NFIC: variants seen among roughly 807,000 people sequenced by gnomAD.
NFIC encodes the protein nuclear factor 1 C-type.
A neutral mutation model predicts 54.4 loss-of-function variants in NFIC; 12 were observed. The observed-to-expected ratio is 0.22, with a 90% confidence interval of 0.14 to 0.36. The LOEUF (loss-of-function observed/expected upper bound fraction) is 0.36. Among genes scored for constraint, NFIC ranks in the 10% least tolerant of loss-of-function variants. The pLI is 1.00. For synonymous variants in NFIC, 322 were observed against 319.2 expected (o/e 1.01, Z -0.09); for missense variants, 575 against 718.2 (o/e 0.80, Z 2.28).
chr19:3,448,642 G>A (rs542244113), intron 6 of NFIC, among the ~76,000 whole-genome samples: 4 of 152,260 alleles, frequency 2.6e-5, no homozygotes, highest in Admixed American at 6.5e-5. Flanking sequence ...ACTGGACTTC[G>A]GATCTGACTG....
At chr19:3,419,638 A>G (rs1441734981) in intron 2 of NFIC, among the ~76,000 whole-genome samples, 1 of 151,908 alleles carries the variant, frequency 6.6e-6, no homozygotes, top group Non-Finnish European at 1.5e-5. Context: ...GCTAATTAAA[A>G]TTAGATTAGA....
In NFIC at chr19:3,434,281, C is replaced by A. The variant is rs150930822; in HGVS notation, c.714C>A (p.Pro238=). 14 of 1,610,068 alleles carry A rather than the reference C, an allele frequency of 8.7e-6. No individual in the cohort carries two copies. The highest frequency in any genetic ancestry group is 8.5e-6 in the Non-Finnish European group (10 of 1,179,052). ...VTELIQVSRT[P]VVTGTGPNFS... ...CTCCTCTGTCACCCTCTGCAGCACC[C>A]GTGGTGACTGGAACAGGACCCAACT... is the stretch of plus-strand genomic sequence containing the variant. The change falls in exon 5 of 11, where the codon CCC becomes CCA. Residue 238 remains proline, a synonymous_variant. Transcript: ENST00000443272.
upstream of NFIC, chr19:3,366,535 G>GGGGGGGGGGGGTTGGGGGGGGC (rs2080886684): frequency 9.0e-5 from 9 of 100,010 alleles, no homozygotes; most frequent in South Asian, 1.7e-4. Context: ...GCCGCGGGGC[G>GGGGGGGGGGGGTTGGGGGGGGC]GGGGGGGGGG....
At chr19:3,442,613 C>T (rs933689070) in intron 6 of NFIC, among the ~76,000 whole-genome samples, 1 of 152,120 alleles carries the variant, frequency 6.6e-6, no homozygotes, top group African/African-American at 2.4e-5. Flanking sequence ...TCTCAAACTC[C>T]TGACCTCAAG....
chr19:3,361,349 A>G (rs1257477233), intron 1 of NFIC, among the ~76,000 whole-genome samples: 1 of 151,538 alleles, frequency 6.6e-6, no homozygotes, highest in Non-Finnish European at 1.5e-5. Context: ...GGCTAAGGAG[A>G]CCCCTATTAT....
chr19:3,404,964 A>G (rs2081621759), intron 2 of NFIC, among the ~76,000 whole-genome samples: 2 of 152,206 alleles, frequency 1.3e-5, no homozygotes, highest in South Asian at 4.1e-4. Context: ...CAACAGCCCG[A>G]TGCTGGGGAC....
intron 6 of NFIC, among the ~76,000 whole-genome samples, chr19:3,440,826 T>G (rs1490454202): frequency 6.6e-6 from 1 of 152,120 alleles, no homozygotes; most frequent in African/African-American, 2.4e-5. Context: ...TGGCCTTTTT[T>G]GTTTTGTTTT....
chr19:3,406,317 C>T (rs1161955678), intron 2 of NFIC, among the ~76,000 whole-genome samples: 3 of 126,250 alleles, frequency 2.4e-5, no homozygotes, highest in African/African-American at 6.1e-5. Context: ...TGGTCTCGAA[C>T]TTCTGACCTC....
In NFIC at chr19:3,375,648, G is replaced by C. The variant is rs748274232; in HGVS notation, c.31-6064G>C. 1.3e-5 allele frequency among the ~76,000 whole-genome samples: 2 copies of C among 152,118 alleles called. No individual in the cohort carries two copies. Among genetic ancestry groups the C allele is most frequent in the Admixed American group, 1.3e-4 (2 of 15,270 alleles). ...CTCACGCTTTGGGGGACATTGGGGT[G>C]GGGGAGCTTCGCTGGTACAAGCTGA... On this transcript the variant is annotated intron_variant, in intron 1 of 10. Transcript: ENST00000443272. This position sits in a 1 kb window ranked among gnomAD's most constrained non-coding sequence, Gnocchi z 4.6.
rs1252601170 is a variant in NFIC, at chr19:3,370,948, C to T, written c.30+4282C>T. Among the ~76,000 whole-genome samples the T allele has an allele frequency of 6.6e-6, 1 of 152,232 alleles. No homozygotes were observed. Among genetic ancestry groups the T allele is most frequent in the East Asian group, 1.9e-4 (1 of 5,194 alleles). On this transcript the variant is annotated intron_variant, in intron 1 of 10. Transcript: ENST00000443272. The surrounding 1 kb of genome is among the most constrained non-coding windows in gnomAD (Gnocchi z 5.2). ...CCTGACCAGTTCACATCCATGAGCA[C>T]ACGCTGGGCGCACACGCGTGCACAC...
chr19:3,425,317 G>A, intron 3 of NFIC, 140 bp downstream of exon 3: 1 of 964,858 alleles, frequency 1.0e-6, no homozygotes, highest in Non-Finnish European at 1.5e-6. Context: ...GGCCTGTCCA[G>A]GGGCTACCAG....
intron 3 of NFIC, among the ~76,000 whole-genome samples, chr19:3,425,590 G>T (rs531303524): frequency 1.2e-4 from 18 of 152,178 alleles, no homozygotes; most frequent in Admixed American, 1.0e-3. Flanking sequence ...CTCCCAAGTA[G>T]CTGGGATTAC....
Position 3,463,961 on chromosome 19 carries a change from C to T in NFIC, c.*1192C>T, listed in dbSNP as rs898250917. 2.0e-6 allele frequency: 2 copies of T among 985,140 alleles called. No individual in the cohort carries two copies. The highest frequency in any genetic ancestry group is 2.4e-6 in the Non-Finnish European group (2 of 829,888). The allele number at this position is 985,140 out of a possible 1,614,324, so 61.0% of individuals were successfully genotyped here. The stretch of plus-strand genomic sequence containing the variant: ...CCAGTCAACCCTCATCGCCGTGCCC[C>T]CCCAGAGCTAGAGAGATGGGGCCCC... On this transcript the variant is annotated 3_prime_UTR_variant, in exon 11 of 11. Coordinates refer to ENST00000443272, the MANE Select transcript of NFIC (RefSeq NM_001245002.2).
intron 6 of NFIC, among the ~76,000 whole-genome samples, chr19:3,435,772 C>T (rs2082191064): frequency 6.6e-6 from 1 of 151,968 alleles, no homozygotes; most frequent in South Asian, 2.1e-4. Flanking sequence ...ATTTTATCCT[C>T]TTGCTTTTCT....
chr19:3,425,120 G>A lies in NFIC; in HGVS notation c.577G>A (p.Gly193Ser), dbSNP rs200153960. The A allele has an allele frequency of 2.0e-5, 32 of 1,613,168 alleles. No individual in the cohort carries two copies. Among genetic ancestry groups the A allele is most frequent in the Admixed American group, 1.2e-4 (7 of 59,992 alleles). The change falls in exon 3 of 11, where the codon GGC (glycine) becomes AGC (serine). Residue 193 changes from glycine (G) to serine (S), a missense_variant. Gly to Ser is a moderately conservative substitution (Grantham distance 56). Transcript: ENST00000443272. ...TCTCTTTGCAGATGCAGAGCAAAGC[G>A]GCAGTCCCCGGACAGGGATGGGCTC... The part of the protein sequence containing the change: ...FVRERDAEQS[G>S]SPRTGMGSDQ...
In NFIC at chr19:3,463,990, G is replaced by A. The variant is rs1164329488; in HGVS notation, c.*1221G>A. 6 of 984,852 alleles carry A rather than the reference G, an allele frequency of 6.1e-6. No homozygotes were observed. The highest frequency in any genetic ancestry group is 1.1e-4 in the East Asian group (1 of 8,734). The allele number at this position is 984,852 out of a possible 1,614,324, so 61.0% of individuals were successfully genotyped here. A position where few individuals can be genotyped will look rare whatever the true frequency, so the allele number is the denominator to read the frequency against. On this transcript the variant is annotated 3_prime_UTR_variant, in exon 11 of 11. Coordinates refer to ENST00000443272, the MANE Select transcript of NFIC (RefSeq NM_001245002.2). ...AGAGCTAGAGAGATGGGGCCCCTGC[G>A]TGGCCCGAGGGGCAGAGCTGGGCGT...
At chr19:3,456,415 C>A in intron 9 of NFIC, 135 bp from the exon 10 acceptor site, 1 of 791,408 alleles carries the variant, frequency 1.3e-6, no homozygotes, top group Non-Finnish European at 2.0e-6. Context: ...GGGCGGCAGG[C>A]TCGGAGGCCC....
chr19:3,434,155 G>A lies in NFIC; in HGVS notation c.710-122G>A, dbSNP rs771553412. 3.6e-4 allele frequency: 519 copies of A among 1,422,330 alleles called. 1 individual carries two copies. Among genetic ancestry groups the A allele is most frequent in the South Asian group, 8.1e-4 (57 of 70,256 alleles). The allele number at this position is 1,422,330 out of a possible 1,614,324, so 88.1% of individuals were successfully genotyped here. On this transcript the variant is annotated intron_variant, in intron 4 of 10. Transcript: ENST00000443272. The stretch of plus-strand genomic sequence containing the variant: ...ACTGGTTTCAGCCACCCTAGGAACC[G>A]GGCCAATATGGGAAGGGGGTCCCCC...
intron 1 of NFIC, 27 bp from the exon 2 acceptor site, chr19:3,381,685 C>T (rs778891527): frequency 3.7e-6 from 6 of 1,610,008 alleles, no homozygotes; most frequent in Non-Finnish European, 4.2e-6. Context: ...CCTGGCGCTC[C>T]TGACCTCTCG....
Sources: gnomAD v4.1 joint callset for allele counts (sites outside exome capture counted in the v4.1 genomes callset) on GRCh38, gnomAD v4.1.1 for gene constraint, Gnocchi (gnomAD v3.1) non-coding constraint, MANE v1.5 for transcripts, NCBI Gene and HGNC (gene_info 2026-07-23, HGNC 2026-07-21) for gene names.